Variants in RBFOX1 observed in about 807,000 individuals in gnomAD.
The protein encoded by RBFOX1 is RNA binding fox-1 homolog 1, also known as RNA binding protein fox-1 homolog 1.
In RBFOX1, 8 loss-of-function variants were observed where a neutral mutation model predicts 57.7. That is an observed-to-expected ratio of 0.14 (90% CI 0.08 to 0.25). RBFOX1 has a LOEUF of 0.25. Ranked by LOEUF, RBFOX1 falls within the 10% of genes least tolerant of loss-of-function variation. The pLI, the probability that RBFOX1 is intolerant of heterozygous loss-of-function variation, is 1.00. For missense variants in RBFOX1, 611 were observed against 548.5 expected, an observed-to-expected ratio of 1.11 and a Z score of -1.14; for synonymous variants, 326 against 222.4, an observed-to-expected ratio of 1.47 and a Z score of -4.15.
Position 7,321,599 on chromosome 16 carries a change from A to T in RBFOX1, c.28-196548A>T, listed in dbSNP as rs2096546455. 3.3e-5 allele frequency among the ~76,000 whole-genome samples: 5 copies of T among 152,370 alleles called. No individual in the cohort carries two copies. The South Asian group carries it at 1.0e-3, about 32-fold the overall frequency. Reference sequence around the variant, plus strand: ...TCTGTGTCTTGTTTTCCTCACAGTAATATGAAGATAGTCATAGGATTTACC... The same window carrying T: ...TCTGTGTCTTGTTTTCCTCACAGTATTATGAAGATAGTCATAGGATTTACC... On this transcript the variant is annotated intron_variant, in intron 4 of 15. Coordinates refer to ENST00000550418, the MANE Select transcript of RBFOX1 (RefSeq NM_018723.4).
At chr16:7,113,366 C>A (rs1216533315) in intron 4 of RBFOX1, among the ~76,000 whole-genome samples, 1 of 152,054 alleles carries the variant, frequency 6.6e-6, no homozygotes, top group African/African-American at 2.4e-5. Flanking sequence ...TAAGTCTTTC[C>A]GCAGTAAAGA....
chr16:6,567,492 C>G (rs2153940836), intron 2 of RBFOX1, among the ~76,000 whole-genome samples: 1 of 152,280 alleles, frequency 6.6e-6, no homozygotes. Flanking sequence ...GCTGCTCCAG[C>G]CACAGAGACA....
intron 4 of RBFOX1, among the ~76,000 whole-genome samples, chr16:7,267,916 CA>C: frequency 6.6e-6 from 1 of 152,270 alleles, no homozygotes; most frequent in African/African-American, 2.4e-5. Flanking sequence ...CACTTCAGTA[CA>C]GTCATGCAGC....
chr16:5,877,240 ATTC>A (rs2057636673), intron 4 of RBFOX1, among the ~76,000 whole-genome samples: 1 of 152,236 alleles, frequency 6.6e-6, no homozygotes. Context: ...TCACGCATTT[ATTC>A]AGAAAGTCAG....
intron 3 of RBFOX1, among the ~76,000 whole-genome samples, chr16:7,020,846 G>C (rs550632262): frequency 1.3e-5 from 2 of 152,220 alleles, no homozygotes; most frequent in Non-Finnish European, 2.9e-5. Context: ...TTTTCTCGAG[G>C]CCAGTCTTGA....
chr16:7,375,479 A>G (rs2097668337), intron 4 of RBFOX1, among the ~76,000 whole-genome samples: 1 of 151,928 alleles, frequency 6.6e-6, no homozygotes, highest in South Asian at 2.1e-4. Context: ...TTGGGCTCCC[A>G]TGTGTTACGA....
rs113555124 is a variant in RBFOX1, at chr16:7,262,718, C to T, written c.27+210620C>T. On this transcript the variant is annotated intron_variant, in intron 4 of 15. Transcript: ENST00000550418. ...TAATCAGCAGGTGTCTTGGTTATCACCAAGGAGAGGGCATCATGCCCGGCA... is the reference window on the plus strand; with the variant it reads ...TAATCAGCAGGTGTCTTGGTTATCATCAAGGAGAGGGCATCATGCCCGGCA... Among the ~76,000 whole-genome samples, 622 of 152,320 alleles carry T rather than the reference C, an allele frequency of 4.1e-3. 6 individuals carry two copies. Among genetic ancestry groups the T allele is most frequent in the African/African-American group, 0.014 (593 of 41,560 alleles).
rs561931216 is a variant in RBFOX1 at position 6,813,843 on chromosome 16, C to T, written c.-16+159193C>T. On this transcript the variant is annotated intron_variant, in intron 3 of 15. Transcript: ENST00000550418. ...AGGAGGCGCTGTTGATACCCCCAAC[C>T]CCTCTGGCTTCCATCTGAGCTCAGC... 3.3e-5 allele frequency among the ~76,000 whole-genome samples: 5 copies of T among 152,028 alleles called. No individual in the cohort carries two copies. In the South Asian group the frequency reaches 1.0e-3, roughly 32 times the overall value.
chr16:5,245,190 C>T (rs146759680), intron 1 of RBFOX1, among the ~76,000 whole-genome samples: 5 of 152,198 alleles, frequency 3.3e-5, no homozygotes, highest in East Asian at 1.9e-4. Flanking sequence ...GTGTGGAGTC[C>T]GGTGCCTGGT....
At chr16:7,499,818 G>C (rs1364664481) in intron 4 of RBFOX1, among the ~76,000 whole-genome samples, 1 of 151,346 alleles carries the variant, frequency 6.6e-6, no homozygotes, top group Non-Finnish European at 1.5e-5. Context: ...CAGTTGTTGA[G>C]ACAATTAACT....
intron 1 of RBFOX1, among the ~76,000 whole-genome samples, chr16:6,141,587 A>G (rs912799739): frequency 1.2e-4 from 18 of 152,002 alleles, no homozygotes; most frequent in Non-Finnish European, 1.9e-4. Context: ...TGCTTGTCCA[A>G]TCCACCACTA....
In RBFOX1 at chr16:6,557,004, TAC is replaced by T. The variant is rs1217436685; in HGVS notation, c.-63-97597_-63-97596del. On this transcript the variant is annotated intron_variant, in intron 2 of 15. Coordinates refer to ENST00000550418, the MANE Select transcript of RBFOX1 (RefSeq NM_018723.4). Reference sequence around the variant, plus strand: ...ATACGTATATATACATACATATATATACATATATATACATATATATACATATA... The same window carrying T: ...ATACGTATATATACATACATATATATATATATATACATATATATACATATA... 1.9e-3 allele frequency among the ~76,000 whole-genome samples: 263 copies of T among 136,956 alleles called. 1 individual carries two copies. The highest frequency in any genetic ancestry group is 3.0e-3 in the Non-Finnish European group (199 of 65,936). The allele number at this position is 136,956 out of a possible 152,430, so 89.8% of individuals were successfully genotyped here.
rs74937442 is a variant in RBFOX1, at chr16:7,255,338, A to C, written c.27+203240A>C. The stretch of plus-strand genomic sequence containing the variant: ...TTGAGTACAAAAAGATTTCGTTAAA[A>C]GGATGTTAATTGCAGAGTTGTAATA... On this transcript the variant is annotated intron_variant, in intron 4 of 15. Transcript: ENST00000550418. Among the ~76,000 whole-genome samples the C allele has an allele frequency of 1.3e-3, 204 of 152,326 alleles. 5 individuals carry two copies. In the East Asian group the frequency reaches 0.032, roughly 24 times the overall value.
chr16:6,270,329 C>A (rs182713398), intron 1 of RBFOX1, among the ~76,000 whole-genome samples: 1 of 151,504 alleles, frequency 6.6e-6, no homozygotes, highest in East Asian at 1.9e-4. Flanking sequence ...ATGCTGTTGA[C>A]AAGAAACTCC....
At chr16:7,468,399 A>G (rs2060916521) in intron 4 of RBFOX1, among the ~76,000 whole-genome samples, 1 of 151,966 alleles carries the variant, frequency 6.6e-6, no homozygotes, top group African/African-American at 2.4e-5. Context: ...TTAGGGAGAT[A>G]AACTCACGCT....
chr16:6,001,183 A>G (rs2060593692), intron 4 of RBFOX1, among the ~76,000 whole-genome samples: 1 of 152,224 alleles, frequency 6.6e-6, no homozygotes, highest in Admixed American at 6.5e-5. Context: ...CAACTGGAGA[A>G]TCATCTTTGC....
chr16:5,779,152 T>C (rs906160158), intron 3 of RBFOX1, among the ~76,000 whole-genome samples: 22 of 152,174 alleles, frequency 1.4e-4, no homozygotes, highest in African/African-American at 5.3e-4. Context: ...ATAAATTGCA[T>C]ACCCACTTTT....
intron 2 of RBFOX1, among the ~76,000 whole-genome samples, chr16:6,618,531 A>C (rs908816514): frequency 2.0e-5 from 3 of 152,204 alleles, no homozygotes; most frequent in African/African-American, 7.2e-5. Flanking sequence ...GATTTTGCTT[A>C]TAATCCTCAT....
chr16:5,336,960 C>G (rs1402519329), intron 1 of RBFOX1, among the ~76,000 whole-genome samples: 1 of 152,206 alleles, frequency 6.6e-6, no homozygotes, highest in African/African-American at 2.4e-5. Context: ...GCCCTAAGTA[C>G]CTTTCTTGCT....
Sources: allele counts gnomAD v4.1 joint callset (sites outside exome capture counted in the v4.1 genomes callset), GRCh38; gene constraint gnomAD v4.1.1; transcripts MANE v1.5; gene names NCBI Gene and HGNC (gene_info 2026-07-23, HGNC 2026-07-21).